The following ERBB4 variants were observed in gnomAD, a reference collection of about 807,000 sequenced individuals.
ERBB4 encodes receptor tyrosine-protein kinase erbB-4.
Under a neutral mutation model 158.0 loss-of-function variants are expected in ERBB4, and 42 were observed. That is an observed-to-expected ratio of 0.27 (90% CI 0.21 to 0.34). The LOEUF is 0.34. Among genes scored for constraint, ERBB4 ranks in the 10% least tolerant of loss-of-function variants. ERBB4 has a pLI of 1.00. For synonymous variants in ERBB4, 583 were observed against 558.7 expected (o/e 1.04, Z -0.61); for missense variants, 1,333 against 1,624.1 (o/e 0.82, Z 3.08).
chr2:211,792,840 T>A (rs1268821720), intron 3 of ERBB4, among the ~76,000 whole-genome samples: 1 of 151,966 alleles, frequency 6.6e-6, no homozygotes, highest in East Asian at 1.9e-4. Context: ...AAGGAAATGT[T>A]TGTGTTATTT....
intron 1 of ERBB4, among the ~76,000 whole-genome samples, chr2:212,167,332 GA>G (rs1343126203): frequency 1.3e-5 from 2 of 152,018 alleles, no homozygotes; most frequent in African/African-American, 2.4e-5. Flanking sequence ...ACAAACATAT[GA>G]AAAAAAGCTC....
At chr2:212,141,505 A>G (rs2080476470) in intron 1 of ERBB4, among the ~76,000 whole-genome samples, 2 of 151,900 alleles carry the variant, frequency 1.3e-5, no homozygotes, top group African/African-American at 4.8e-5. Context: ...CAACAGTACT[A>G]TTTTTAAGAT....
intron 1 of ERBB4, among the ~76,000 whole-genome samples, chr2:212,154,008 T>G (rs2080953759): frequency 6.6e-6 from 1 of 152,118 alleles, no homozygotes; most frequent in Non-Finnish European, 1.5e-5. Context: ...AGTGACCTAT[T>G]GCTTCAAATA....
At chr2:211,601,445 A>T (rs567478362) in intron 19 of ERBB4, among the ~76,000 whole-genome samples, 2 of 152,166 alleles carry the variant, frequency 1.3e-5, no homozygotes, top group South Asian at 4.2e-4. Flanking sequence ...CCGGATTCAA[A>T]GTTTCCAGAT....
intron 1 of ERBB4, among the ~76,000 whole-genome samples, chr2:212,411,000 A>G (rs2091481484): frequency 6.6e-6 from 1 of 151,796 alleles, no homozygotes; most frequent in African/African-American, 2.4e-5. Flanking sequence ...CACAATTTAT[A>G]TTTAGATAAA....
chr2:212,140,971 T>C (rs1447102717), intron 1 of ERBB4, among the ~76,000 whole-genome samples: 1 of 151,516 alleles, frequency 6.6e-6, no homozygotes, highest in East Asian at 1.9e-4. Flanking sequence ...ATATACAAAA[T>C]TGTATAATAT....
chr2:211,860,587 C>G (rs925001728), intron 3 of ERBB4, among the ~76,000 whole-genome samples: 1 of 151,980 alleles, frequency 6.6e-6, no homozygotes, highest in African/African-American at 2.4e-5. Flanking sequence ...CATTATAAGT[C>G]TGTAATGTTC....
At chr2:212,285,804 C>T (rs550705430) in intron 1 of ERBB4, among the ~76,000 whole-genome samples, 112 of 152,112 alleles carry the variant, frequency 7.4e-4, no homozygotes, top group Non-Finnish European at 1.4e-3. Flanking sequence ...GCTTGGTATT[C>T]GAGTAGAATA....
At chr2:211,945,399 G>GA (rs1179130530) in intron 3 of ERBB4, among the ~76,000 whole-genome samples, 2 of 151,950 alleles carry the variant, frequency 1.3e-5, no homozygotes, top group African/African-American at 2.4e-5. Flanking sequence ...TAAAATATCT[G>GA]AAAAATGTTC....
intron 2 of ERBB4, among the ~76,000 whole-genome samples, chr2:212,028,685 A>G (rs547790551): frequency 5.2e-4 from 79 of 152,142 alleles, no homozygotes; most frequent in African/African-American, 1.8e-3. Flanking sequence ...GATCTCCCCA[A>G]TTTGTGCCCT....
chr2:212,383,488 T>C (rs1020203547), intron 1 of ERBB4, among the ~76,000 whole-genome samples: 4 of 151,652 alleles, frequency 2.6e-5, no homozygotes, highest in African/African-American at 7.2e-5. Context: ...GTACAGTCTA[T>C]TGACTAGTAA....
chr2:212,254,432 T>C (rs2084651221), intron 1 of ERBB4, among the ~76,000 whole-genome samples: 1 of 152,154 alleles, frequency 6.6e-6, no homozygotes, highest in African/African-American at 2.4e-5. Flanking sequence ...ATCCTGTAAG[T>C]GGCAATGAAC....
chr2:211,551,175 T>C (rs143069864), intron 20 of ERBB4, among the ~76,000 whole-genome samples: 2 of 152,304 alleles, frequency 1.3e-5, no homozygotes, highest in East Asian at 3.9e-4. Context: ...AGTGTGACCC[T>C]GGTAGAGTCA....
At chr2:212,109,279 A>G (rs1222140931) in intron 2 of ERBB4, among the ~76,000 whole-genome samples, 1 of 152,176 alleles carries the variant, frequency 6.6e-6, no homozygotes, top group Admixed American at 6.5e-5. Flanking sequence ...GCACTCCATT[A>G]TGTTGTAAGA....
intron 3 of ERBB4, among the ~76,000 whole-genome samples, chr2:211,903,734 A>G (rs2079299534): frequency 6.6e-6 from 1 of 151,950 alleles, no homozygotes; most frequent in Admixed American, 6.6e-5. Flanking sequence ...ATAAAAAAAG[A>G]GGTTTGTATT....
intron 16 of ERBB4, among the ~76,000 whole-genome samples, chr2:211,635,181 G>GAT (rs2125883318): frequency 6.6e-6 from 1 of 152,212 alleles, no homozygotes; most frequent in Admixed American, 6.5e-5. Context: ...TCAAGTCCAA[G>GAT]CTTAGACTAA....
At chr2:212,191,508 C>CGTGTTATACCTGTTATATATAACACAT (rs2082195793) in intron 1 of ERBB4, among the ~76,000 whole-genome samples, 4 of 74,998 alleles carry the variant, frequency 5.3e-5, no homozygotes, top group Admixed American at 2.5e-4. Context: ...ATATATAACA[C>CGTGTTATACCTGTTATATATAACACAT]GTGTTATACA....
At chr2:211,417,476 A>G (rs1284400254) in intron 25 of ERBB4, among the ~76,000 whole-genome samples, 1 of 152,188 alleles carries the variant, frequency 6.6e-6, no homozygotes, top group African/African-American at 2.4e-5. Context: ...CCTGTCTCAA[A>G]AAAGAAAAAA....
At chr2:211,515,907 T>TATATATATATATATATATATATAC in intron 20 of ERBB4, among the ~76,000 whole-genome samples, 1 of 91,664 alleles carries the variant, frequency 1.1e-5, no homozygotes, top group East Asian at 2.9e-4. Flanking sequence ...TATATATATA[T>TATATATATATATATATATATATAC]ATATATTTTT....
Sources: gnomAD v4.1 joint callset for allele counts (sites outside exome capture counted in the v4.1 genomes callset) on GRCh38, gnomAD v4.1.1 for gene constraint, MANE v1.5 for transcripts, NCBI Gene and HGNC (gene_info 2026-07-23, HGNC 2026-07-21) for gene names.